The following PLD5 variants were observed in gnomAD, a reference collection of about 807,000 sequenced individuals.
PLD5 encodes the protein inactive phospholipase D5.
Under a neutral mutation model 61.1 loss-of-function variants are expected in PLD5, and 36 were observed. The observed-to-expected ratio is 0.59, with a 90% CI of 0.45 to 0.78. The LOEUF is 0.78. Among genes scored for constraint, PLD5 ranks in the 30% least tolerant of loss-of-function variants. The pLI is 0.00. For synonymous variants in PLD5, 243 were observed against 242.8 expected, an observed-to-expected ratio of 1.00 and a Z score of -0.01; for missense variants, 515 against 644.4, an observed-to-expected ratio of 0.80 and a Z score of 2.17.
At chr1:242,192,396 T>C (rs2148932397) in intron 5 of PLD5, 1 of 152,396 alleles carries the variant, frequency 6.6e-6, no homozygotes, top group Admixed American at 6.5e-5. Context: ...CCCCTTCTTG[T>C]CCCCTTCTGC....
In PLD5 at chr1:242,088,759, T is replaced by C. The variant is rs556582095; in HGVS notation, c.*1095A>G. 1 of 152,370 alleles carries C rather than the reference T, an allele frequency of 6.6e-6. No homozygotes were observed. The highest frequency in any genetic ancestry group is 1.5e-5 in the Non-Finnish European group (1 of 68,040). The allele number at this position is 152,370 out of a possible 1,614,324, so 9.4% of individuals were successfully genotyped here. On this transcript the variant is annotated 3_prime_UTR_variant, in exon 10 of 10. Transcript: ENST00000536534. ...ATTACGTTATAGAACAATAATTCAATATTTCTGCTTCTTAGTAAAATATGT... is the reference window on the plus strand; with the variant it reads ...ATTACGTTATAGAACAATAATTCAACATTTCTGCTTCTTAGTAAAATATGT...
At chr1:242,374,178 G>A (rs968505766) in intron 1 of PLD5, among the ~76,000 whole-genome samples, 2 of 152,106 alleles carry the variant, frequency 1.3e-5, no homozygotes, top group African/African-American at 4.8e-5. Flanking sequence ...TCAATTCTTT[G>A]TGCTCCTGTA....
At chr1:242,512,176 CCAA>C in intron 1 of PLD5, among the ~76,000 whole-genome samples, 1 of 151,280 alleles carries the variant, frequency 6.6e-6, no homozygotes, top group South Asian at 2.1e-4. Flanking sequence ...CTTTGGGAGG[CCAA>C]GGAGGGCAGA....
At chr1:242,292,450 A>G (rs1269015681) in intron 2 of PLD5, among the ~76,000 whole-genome samples, 1 of 152,316 alleles carries the variant, frequency 6.6e-6, no homozygotes, top group East Asian at 1.9e-4. Context: ...ATAATTGTAC[A>G]ATTACAGATG....
chr1:242,384,256 T>C (rs1286691170), intron 1 of PLD5, among the ~76,000 whole-genome samples: 1 of 152,222 alleles, frequency 6.6e-6, no homozygotes, highest in Non-Finnish European at 1.5e-5. Context: ...CTTCTGTACA[T>C]ACTGGGTAAC....
chr1:242,099,025 C>T (rs989241534), intron 9 of PLD5, among the ~76,000 whole-genome samples: 7 of 152,224 alleles, frequency 4.6e-5, no homozygotes, highest in Non-Finnish European at 8.8e-5. Context: ...CTTGAGGAGG[C>T]AGTCTGTCCA....
intron 2 of PLD5, among the ~76,000 whole-genome samples, chr1:242,317,637 T>C (rs2149182047): frequency 6.6e-6 from 1 of 152,258 alleles, no homozygotes; most frequent in Middle Eastern, 3.4e-3. Context: ...AAGAATCATG[T>C]TCTTTGTTAG....
intron 2 of PLD5, among the ~76,000 whole-genome samples, chr1:242,328,544 T>C (rs1049646185): frequency 6.6e-6 from 1 of 152,246 alleles, no homozygotes; most frequent in Non-Finnish European, 1.5e-5. Flanking sequence ...AATATAAATG[T>C]TCTACATATA....
chr1:242,102,416 G>A (rs1465156684), intron 8 of PLD5, among the ~76,000 whole-genome samples: 2 of 152,126 alleles, frequency 1.3e-5, no homozygotes, highest in African/African-American at 2.4e-5. Context: ...GGTATTATTC[G>A]ACACCTAATA....
intron 5 of PLD5, among the ~76,000 whole-genome samples, chr1:242,152,119 G>A (rs373959905): frequency 1.2e-4 from 19 of 152,060 alleles, no homozygotes; most frequent in African/African-American, 4.3e-4. Flanking sequence ...GGTGTCAGCA[G>A]AATGGAACTC....
rs71650700 is a variant in PLD5, at chr1:242,346,318, T to C, written c.326+1788A>G. 5.0e-3 allele frequency among the ~76,000 whole-genome samples: 754 copies of C among 152,272 alleles called. 3 individuals carry two copies. Among genetic ancestry groups the C allele is most frequent in the Non-Finnish European group, 5.9e-3 (403 of 68,034 alleles). ...GTTGTTGAAAATGACCAATACCTGA[T>C]AATGTGCACTGAAATGAGCAGGTAT... On this transcript the variant is annotated intron_variant, in intron 2 of 9. Coordinates refer to ENST00000536534, the MANE Select transcript of PLD5 (RefSeq NM_001372062.1).
chr1:242,513,255 C>G (rs1003482172), intron 1 of PLD5, among the ~76,000 whole-genome samples: 2 of 152,158 alleles, frequency 1.3e-5, no homozygotes, highest in African/African-American at 4.8e-5. Flanking sequence ...TATTCTTTCA[C>G]TCAAGGGTCT....
rs184372666 is a variant in PLD5 at position 242,373,855 on chromosome 1, G to A, written c.190-25613C>T. ...TAGGAGATATATATATATAATATAG[G>A]AGATATAATGTAAATGACGAGTTAA... On this transcript the variant is annotated intron_variant, in intron 1 of 9. Coordinates refer to ENST00000536534, the MANE Select transcript of PLD5 (RefSeq NM_001372062.1). Among the ~76,000 whole-genome samples the A allele has an allele frequency of 1.1e-3, 160 of 152,040 alleles. 2 individuals carry two copies. Among genetic ancestry groups the A allele is most frequent in the South Asian group, 1.0e-3 (5 of 4,820 alleles).
chr1:242,198,267 A>T (rs552017894), intron 5 of PLD5, among the ~76,000 whole-genome samples: 49 of 152,322 alleles, frequency 3.2e-4, no homozygotes, highest in African/African-American at 1.2e-3. Context: ...ATCATTTTAT[A>T]AGAAGGCAGA....
At chr1:242,218,625 TAAAGA>T (rs1670368807) in intron 5 of PLD5, among the ~76,000 whole-genome samples, 1 of 152,292 alleles carries the variant, frequency 6.6e-6, no homozygotes, top group South Asian at 2.1e-4. Context: ...TAGATTTTGT[TAAAGA>T]AAAGGGTGAC....
At chr1:242,488,401 C>G (rs1022459989) in intron 1 of PLD5, among the ~76,000 whole-genome samples, 2 of 152,266 alleles carry the variant, frequency 1.3e-5, no homozygotes, top group Middle Eastern at 3.4e-3. Flanking sequence ...AGGAAATAAG[C>G]TATCATGCTT....
chr1:242,509,478 T>A (rs1044535221), intron 1 of PLD5, among the ~76,000 whole-genome samples: 3 of 152,266 alleles, frequency 2.0e-5, no homozygotes, highest in African/African-American at 7.2e-5. Flanking sequence ...AAATGCTAGT[T>A]ATCAGCGGGG....
At chr1:242,179,939 T>C (rs973752530) in intron 5 of PLD5, among the ~76,000 whole-genome samples, 5 of 152,100 alleles carry the variant, frequency 3.3e-5, no homozygotes, top group African/African-American at 1.2e-4. Flanking sequence ...TGTGTGTGTG[T>C]GTGTGTGTAG....
At position 242,170,841 on chromosome 1, in the gene PLD5, AAAAAAGAATG is replaced by A. The variant is rs535101727; in HGVS notation, c.736-46186_736-46177del. On this transcript the variant is annotated intron_variant, in intron 5 of 9. Transcript: ENST00000536534. ...GATCAACTTAATGAAATAAAGCGAG[AAAAAAGAATG>A]AAAAGGAATGAAAAAGGCCTGCAGG... Among the ~76,000 whole-genome samples, 137 of 152,300 alleles carry A rather than the reference AAAAAAGAATG, an allele frequency of 9.0e-4. 4 individuals are homozygous for A. In the South Asian group the frequency reaches 0.028, roughly 31 times the overall value.
Sources: allele counts gnomAD v4.1 joint callset (sites outside exome capture counted in the v4.1 genomes callset), GRCh38; gene constraint gnomAD v4.1.1; transcripts MANE v1.5; gene names NCBI Gene and HGNC (gene_info 2026-07-23, HGNC 2026-07-21).